Variants in CNTN4 observed in about 807,000 individuals in gnomAD.
CNTN4 encodes contactin-4.
A neutral mutation model predicts 122.5 loss-of-function variants in CNTN4; 77 were observed. That is an observed-to-expected ratio of 0.63 (90% CI 0.52 to 0.76). The LOEUF (loss-of-function observed/expected upper bound fraction) is 0.76. Ranked by LOEUF, CNTN4 falls within the 30% of genes least tolerant of loss-of-function variation. The probability of loss-of-function intolerance (pLI) is 0.00; values close to 1 mark genes in which losing one functional copy is unlikely to be tolerated. For synonymous variants in CNTN4, 512 were observed against 447.0 expected (o/e 1.15, Z -1.83); for missense variants, 1,256 against 1,259.1 (o/e 1.00, Z 0.04).
At chr3:2,376,993 TAA>T (rs1488337334) in intron 3 of CNTN4, among the ~76,000 whole-genome samples, 4 of 151,996 alleles carry the variant, frequency 2.6e-5, no homozygotes, top group Admixed American at 2.6e-4. Flanking sequence ...CCGTCTCTAC[TAA>T]AAATACAAAA....
At chr3:2,144,652 C>T (rs2035158852) in intron 2 of CNTN4, among the ~76,000 whole-genome samples, 1 of 152,172 alleles carries the variant, frequency 6.6e-6, no homozygotes, top group South Asian at 2.1e-4. Context: ...ATACTCATCC[C>T]TCTGACCCCA....
At chr3:2,779,053 A>G (rs935548426) in intron 6 of CNTN4, among the ~76,000 whole-genome samples, 6 of 152,216 alleles carry the variant, frequency 3.9e-5, no homozygotes, top group Non-Finnish European at 8.8e-5. Flanking sequence ...TGATGAAATG[A>G]TCAACAAAGT....
At chr3:2,199,375 GT>G (rs138944327) in intron 2 of CNTN4, among the ~76,000 whole-genome samples, 24,354 of 151,796 alleles carry the variant, frequency 0.16, 2,089 homozygotes, top group South Asian at 0.24. Flanking sequence ...TTGATTGTGA[GT>G]TTTTCTACTG....
intron 3 of CNTN4, among the ~76,000 whole-genome samples, chr3:2,514,414 G>A (rs557883472): frequency 1.3e-5 from 2 of 151,996 alleles, no homozygotes; most frequent in East Asian, 3.9e-4. Context: ...GAGGTGGGAG[G>A]ATAGGTCGAG....
chr3:2,186,018 T>C (rs187077463), intron 2 of CNTN4, among the ~76,000 whole-genome samples: 43 of 152,328 alleles, frequency 2.8e-4, no homozygotes, highest in African/African-American at 9.4e-4. Flanking sequence ...GCCATGTTGC[T>C]GTGCTGCACC....
At chr3:2,629,887 C>A (rs2082355650) in intron 4 of CNTN4, among the ~76,000 whole-genome samples, 1 of 152,116 alleles carries the variant, frequency 6.6e-6, no homozygotes, top group African/African-American at 2.4e-5. Context: ...GCCCAACCTG[C>A]CGCAGAAACT....
At chr3:2,374,309 C>T (rs1276189160) in intron 3 of CNTN4, among the ~76,000 whole-genome samples, 1 of 152,164 alleles carries the variant, frequency 6.6e-6, no homozygotes, top group African/African-American at 2.4e-5. Context: ...TTACCCAGCT[C>T]CCTTAAAATC....
intron 14 of CNTN4, among the ~76,000 whole-genome samples, chr3:3,000,214 T>C (rs1220188703): frequency 1.4e-5 from 2 of 142,030 alleles, no homozygotes; most frequent in Non-Finnish European, 2.9e-5. Flanking sequence ...AACATAATAG[T>C]GTCCAAAACA....
Position 2,424,214 on chromosome 3 carries a change from C to A in CNTN4, c.-89+84981C>A, listed in dbSNP as rs139953014. On this transcript the variant is annotated intron_variant, in intron 3 of 24. Transcript: ENST00000418658. ...ATGTTTCCTAATGCTATCCCTCCCCCCTCCCTCCACCCTACAGCAGGCCCT... is the reference window on the plus strand; with the variant it reads ...ATGTTTCCTAATGCTATCCCTCCCCACTCCCTCCACCCTACAGCAGGCCCT... Among the ~76,000 whole-genome samples, 8 of 108,242 alleles carry A rather than the reference C, an allele frequency of 7.4e-5. 1 individual carries two copies. In the South Asian group the frequency reaches 2.2e-3, roughly 29 times the overall value. 71.0% of individuals were successfully genotyped at this position (108,242 alleles called of 152,430 possible). A position where few individuals can be genotyped will look rare whatever the true frequency, so the allele number is the denominator to read the frequency against.
rs115352451 is a variant in CNTN4 at position 2,868,678 on chromosome 3, A to C, written c.652+1729A>C. The stretch of plus-strand genomic sequence containing the variant: ...TCATCCATTTAACATACATTTATTT[A>C]GAACTTCCTGTGTGACAGCCACTAT... On this transcript the variant is annotated intron_variant, in intron 8 of 24. Transcript: ENST00000418658. Among the ~76,000 whole-genome samples, 1,202 of 152,342 alleles carry C rather than the reference A, an allele frequency of 7.9e-3. 10 individuals are homozygous for C. Among genetic ancestry groups the C allele is most frequent in the African/African-American group, 0.028 (1,152 of 41,576 alleles).
intron 3 of CNTN4, among the ~76,000 whole-genome samples, chr3:2,465,505 C>T (rs535343957): frequency 1.1e-3 from 169 of 151,980 alleles, no homozygotes; most frequent in African/African-American, 4.0e-3. Flanking sequence ...GGTGAAACCC[C>T]GTCTCTCCTA....
chr3:2,224,724 A>G (rs2039200915), intron 2 of CNTN4, among the ~76,000 whole-genome samples: 1 of 152,218 alleles, frequency 6.6e-6, no homozygotes, highest in South Asian at 2.1e-4. Context: ...AGTAAATGTT[A>G]AGATTTACTA....
At chr3:2,284,114 A>T (rs1237790426) in intron 2 of CNTN4, among the ~76,000 whole-genome samples, 3 of 152,106 alleles carry the variant, frequency 2.0e-5, no homozygotes, top group Non-Finnish European at 4.4e-5. Context: ...AAAGAAGGAA[A>T]AAGAGCAGAG....
intron 3 of CNTN4, among the ~76,000 whole-genome samples, chr3:2,551,034 T>C (rs967292992): frequency 1.3e-5 from 2 of 151,978 alleles, no homozygotes; most frequent in Non-Finnish European, 2.9e-5. Context: ...CAAACCATCA[T>C]GGCACGTGTA....
chr3:2,357,946 A>G (rs2044942103), intron 3 of CNTN4, among the ~76,000 whole-genome samples: 1 of 152,204 alleles, frequency 6.6e-6, no homozygotes, highest in African/African-American at 2.4e-5. Flanking sequence ...TTTTTAAAAT[A>G]ACTCCAGCTA....
chr3:2,819,188 T>A (rs1036785661), intron 6 of CNTN4, among the ~76,000 whole-genome samples: 5 of 152,240 alleles, frequency 3.3e-5, no homozygotes, highest in Admixed American at 6.5e-5. Context: ...ATGTGGCTAC[T>A]GAGCACTTGA....
chr3:2,935,647 A>G (rs1165104804), intron 13 of CNTN4, among the ~76,000 whole-genome samples: 1 of 152,228 alleles, frequency 6.6e-6, no homozygotes, highest in Non-Finnish European at 1.5e-5. Context: ...GTCACGGAAA[A>G]GGGACGAAAC....
intron 2 of CNTN4, among the ~76,000 whole-genome samples, chr3:2,245,340 A>G (rs2040102411): frequency 6.6e-6 from 1 of 152,058 alleles, no homozygotes; most frequent in South Asian, 2.1e-4. Flanking sequence ...TTTAACAAAC[A>G]CTTTCCGAGT....
chr3:2,689,926 G>A lies in CNTN4; in HGVS notation c.56-46289G>A, dbSNP rs150960763. Among the ~76,000 whole-genome samples, 15 of 152,224 alleles carry A rather than the reference G, an allele frequency of 9.9e-5. 1 individual carries two copies. The East Asian group carries it at 2.9e-3, about 29-fold the overall frequency. On this transcript the variant is annotated intron_variant, in intron 4 of 24. Coordinates refer to ENST00000418658, the MANE Select transcript of CNTN4 (RefSeq NM_175607.3). Reference sequence around the variant, plus strand: ...CATATCCTGTGAGGTAGGGGCGTGTGTGTTTGTGTCTGTGTGTATTTTTTC... The same window carrying A: ...CATATCCTGTGAGGTAGGGGCGTGTATGTTTGTGTCTGTGTGTATTTTTTC...
Sources: gnomAD v4.1 joint callset for allele counts (sites outside exome capture counted in the v4.1 genomes callset) on GRCh38, gnomAD v4.1.1 for gene constraint, MANE v1.5 for transcripts, NCBI Gene and HGNC (gene_info 2026-07-23, HGNC 2026-07-21) for gene names.